KLHL38: variants seen among roughly 807,000 people sequenced by gnomAD.
KLHL38 encodes kelch like family member 38, also known as kelch-like protein 38.
A neutral mutation model predicts 39.6 loss-of-function variants in KLHL38; 38 were observed. That is an observed-to-expected ratio of 0.96 (90% CI 0.74 to 1.26). The LOEUF (loss-of-function observed/expected upper bound fraction) is 1.26. Ranked by LOEUF, KLHL38 falls within the 50% of genes most tolerant of loss-of-function variation. KLHL38 has a pLI of 0.00. For missense variants in KLHL38, 803 were observed against 748.1 expected, an observed-to-expected ratio of 1.07 and a Z score of -0.86; for synonymous variants, 322 against 302.2, an observed-to-expected ratio of 1.07 and a Z score of -0.68.
Position 123,651,888 on chromosome 8 carries a change from TC to T in KLHL38, c.1038del (p.Ser347ValfsTer12). 6.2e-7 allele frequency: 1 copy of T among 1,614,174 alleles called. No homozygotes were observed. The highest frequency in any genetic ancestry group is 1.1e-5 in the South Asian group (1 of 91,082). ...VLGGMAVSSGRSLVSHNVYIF... is the reference protein window; with the variant it reads ...VLGGMAVSSGXSLVSHNVYIF... ...ATGTAGACATTGTGACTGACCAGAC[TC>T]CTCCCTGAGCTGACAGCCATGCCCC... On this transcript the variant is annotated frameshift_variant, in exon 2 of 4. Transcript: ENST00000684634. LOFTEE classifies it high-confidence loss of function.
intron 3 of KLHL38, 96 bp from the exon 4 acceptor site, chr8:123,646,124 A>G: frequency 8.9e-7 from 1 of 1,118,228 alleles, no homozygotes; most frequent in Non-Finnish European, 1.3e-6. Flanking sequence ...CCACTGCGTA[A>G]GGCTGAGGCT....
intron 1 of KLHL38, among the ~76,000 whole-genome samples, 160 bp downstream of exon 1, chr8:123,653,426 G>A (rs1040132688): frequency 3.9e-5 from 6 of 152,140 alleles, no homozygotes; most frequent in African/African-American, 1.4e-4. Flanking sequence ...ACAGAAATGA[G>A]GGAAGAAAAT....
At chr8:123,647,162 CAA>C in intron 2 of KLHL38, 148 bp from the exon 3 acceptor site, 2 of 612,644 alleles carry the variant, frequency 3.3e-6, no homozygotes, top group Admixed American at 6.2e-5. Context: ...TGTTAATAAA[CAA>C]AACAGTACTG....
At chr8:123,647,818 C>A (rs1257149264) in intron 2 of KLHL38, among the ~76,000 whole-genome samples, 1 of 152,156 alleles carries the variant, frequency 6.6e-6, no homozygotes, top group Non-Finnish European at 1.5e-5. Flanking sequence ...GTGGCTCACG[C>A]CTGTAATCTC....
chr8:123,648,483 A>T (rs979724397), intron 2 of KLHL38, among the ~76,000 whole-genome samples: 8 of 152,218 alleles, frequency 5.3e-5, no homozygotes, highest in Non-Finnish European at 1.0e-4. Flanking sequence ...GAAAATATGT[A>T]AGTGACAAAC....
At chr8:123,649,744 G>A (rs890472468) in intron 2 of KLHL38, among the ~76,000 whole-genome samples, 1 of 152,252 alleles carries the variant, frequency 6.6e-6, no homozygotes, top group East Asian at 1.9e-4. Context: ...CGATGTGGGC[G>A]GAGGAGGTTG....
rs1015295305 is a variant in KLHL38, at chr8:123,645,599, T to C, written c.*140A>G. ...GAGAGAGTTCTGGCAATGCAATGCC[T>C]AGTTCCAGGCCTCCCGACTCTGGTA... On this transcript the variant is annotated 3_prime_UTR_variant, in exon 4 of 4. Transcript: ENST00000684634. 9 of 808,070 alleles carry C rather than the reference T, an allele frequency of 1.1e-5. No individual in the cohort carries two copies. The African/African-American group carries it at 1.4e-4, about 12-fold the overall frequency. 50.1% of individuals were successfully genotyped at this position (808,070 alleles called of 1,614,324 possible).
chr8:123,647,821 G>A (rs556299202), intron 2 of KLHL38, among the ~76,000 whole-genome samples: 2 of 152,218 alleles, frequency 1.3e-5, no homozygotes, highest in Non-Finnish European at 2.9e-5. Flanking sequence ...GCTCACGCCT[G>A]TAATCTCAGC....
intron 2 of KLHL38, among the ~76,000 whole-genome samples, chr8:123,650,429 G>T (rs185396099): frequency 6.6e-6 from 1 of 152,134 alleles, no homozygotes; most frequent in African/African-American, 2.4e-5. Context: ...ACTGGTTTAG[G>T]GCATCCCGCC....
chr8:123,645,129 A>C lies in KLHL38; in HGVS notation c.*610T>G, dbSNP rs571772254. 2.0e-5 allele frequency among the ~76,000 whole-genome samples: 3 copies of C among 151,460 alleles called. No individual in the cohort carries two copies. In the East Asian group the frequency reaches 6.0e-4, roughly 30 times the overall value. On this transcript the variant is annotated 3_prime_UTR_variant, in exon 4 of 4. Transcript: ENST00000684634. ...GGAGACAGACAGAGAGAGAGAAGAG[A>C]GACAGAAACTGAGACAGAAAGGAGA...
In KLHL38 at chr8:123,645,759, G is replaced by A. The variant is rs758719041; in HGVS notation, c.1726C>T (p.Arg576Cys). 42 of 1,613,628 alleles carry A rather than the reference G, an allele frequency of 2.6e-5. No individual in the cohort carries two copies. The highest frequency in any genetic ancestry group is 5.5e-5 in the South Asian group (5 of 91,050). Residue 576 changes from arginine (R) to cysteine (C), a missense_variant, in exon 4 of 4, where the codon CGC (arginine) becomes TGC (cysteine). Physicochemically the swap from Arg to Cys is radical, Grantham distance 180. Coordinates refer to ENST00000684634, the MANE Select transcript of KLHL38 (RefSeq NM_001081675.3). ...CGACCTCATGGGAGGCCAGACGTGC[G>A]GGGTATGCACTGGAGAGTGAGGCAG... ...HACLTLQCIP[R>C]TSGLP
intron 2 of KLHL38, 37 bp downstream of exon 2, chr8:123,651,540 T>A: frequency 6.5e-7 from 1 of 1,534,580 alleles, no homozygotes; most frequent in Non-Finnish European, 8.7e-7. Context: ...GCACACATAC[T>A]CATGCAGTTA....
rs375836815 is a variant in KLHL38 at position 123,646,926 on chromosome 8, C to A, written c.1439G>T (p.Arg480Leu). Reference sequence around the variant, plus strand: ...AGACTCACCTCCCACAATGACAATCCGCTCCCCAAGCACCACTGCAGGGGC... The same window carrying A: ...AGACTCACCTCCCACAATGACAATCAGCTCCCCAAGCACCACTGCAGGGGC... ...VCAPAVVLGE[R>L]IVIVGGYTRR... is the part of the protein sequence containing the mutation. The change falls in exon 3 of 4, where the codon CGG becomes CTG. Residue 480 changes from arginine to leucine, a missense_variant. Transcript: ENST00000684634. 9 of 1,612,176 alleles carry A rather than the reference C, an allele frequency of 5.6e-6. No homozygotes were observed. In the South Asian group the frequency reaches 6.6e-5, roughly 12 times the overall value.
At position 123,652,270 on chromosome 8, in the gene KLHL38, G is replaced by C; in HGVS notation, c.657C>G (p.Phe219Leu). ...QARKRYMQEL[F>L]KQVRLQYIHP... ...GGATGTACTGCAGCCTGACCTGCTT[G>C]AACAGTTCCTGCATGTATCGCTTCC... The change falls in exon 2 of 4, where the codon TTC (phenylalanine) becomes TTG (leucine). Residue 219 changes from phenylalanine to leucine, a missense_variant. By Grantham distance (22) the Phe-to-Leu change is conservative. Transcript: ENST00000684634. 1 of 1,614,118 alleles carries C rather than the reference G, an allele frequency of 6.2e-7. No individual in the cohort carries two copies. Among genetic ancestry groups the C allele is most frequent in the East Asian group, 2.2e-5 (1 of 44,890 alleles).
intron 2 of KLHL38, 77 bp downstream of exon 2, chr8:123,651,500 G>T: frequency 7.0e-7 from 1 of 1,437,880 alleles, no homozygotes. Flanking sequence ...ACATGTGCAT[G>T]TGTGTGCAAG....
At chr8:123,646,095 G>T (rs755448908) in intron 3 of KLHL38, 67 bp from the exon 4 acceptor site, 2 of 1,413,648 alleles carry the variant, frequency 1.4e-6, no homozygotes, top group Non-Finnish European at 2.0e-6. Flanking sequence ...CAGCAGTCCT[G>T]GGACGCGTCT....
In KLHL38 at chr8:123,651,977, T is replaced by G. The variant is rs1466308012; in HGVS notation, c.950A>C (p.Lys317Thr). 4 of 1,614,252 alleles carry G rather than the reference T, an allele frequency of 2.5e-6. No individual in the cohort carries two copies. Among genetic ancestry groups the G allele is most frequent in the Admixed American group, 1.7e-5 (1 of 60,034 alleles). ...GGCCTTGTACAGCCGTGTCGGGAGT[T>G]TGGCAAGGCTCTGCCATTGGCCGGT... ...KQTGQWQSLA[K>T]LPTRLYKASA... The change falls in exon 2 of 4, where the codon AAA becomes ACA. Residue 317 changes from lysine (K) to threonine (T), a missense_variant. Coordinates refer to ENST00000684634, the MANE Select transcript of KLHL38 (RefSeq NM_001081675.3).
In KLHL38 at chr8:123,652,402, G is replaced by C. The variant is rs1267917982; in HGVS notation, c.525C>G (p.Leu175=). 2 of 1,613,982 alleles carry C rather than the reference G, an allele frequency of 1.2e-6. No homozygotes were observed. Among genetic ancestry groups the C allele is most frequent in the African/African-American group, 2.7e-5 (2 of 74,926 alleles). ...EVAASADLKE[L]CALELRDYLG... ...GATAGTCCCTCAACTCCAAGGCACA[G>C]AGCTCCTTCAGGTCGGCCGATGCGG... The change falls in exon 2 of 4, where the codon CTC becomes CTG. Residue 175 remains leucine (L), a synonymous_variant. Coordinates refer to ENST00000684634, the MANE Select transcript of KLHL38 (RefSeq NM_001081675.3).
chr8:123,651,907 C>T lies in KLHL38; in HGVS notation c.1020G>A (p.Met340Ile), dbSNP rs1373836483. Residue 340 changes from methionine (M) to isoleucine (I), a missense_variant, in exon 2 of 4, where the codon ATG (methionine) becomes ATA (isoleucine). By Grantham distance (10) the Met-to-Ile change is conservative (BLOSUM62 1). Coordinates refer to ENST00000684634, the MANE Select transcript of KLHL38 (RefSeq NM_001081675.3). ...CCAGACTCCTCCCTGAGCTGACAGC[C>T]ATGCCCCCCAGCACATAGATGCTGC... Reference protein sequence around the residue: ...LHRSIYVLGGMAVSSGRSLVS... With the variant: ...LHRSIYVLGGIAVSSGRSLVS... 3 of 1,614,084 alleles carry T rather than the reference C, an allele frequency of 1.9e-6. No homozygotes were observed. Among genetic ancestry groups the T allele is most frequent in the East Asian group, 2.2e-5 (1 of 44,896 alleles).
Sources: gnomAD v4.1 joint callset for allele counts (sites outside exome capture counted in the v4.1 genomes callset) on GRCh38, gnomAD v4.1.1 for gene constraint, MANE v1.5 for transcripts, NCBI Gene and HGNC (gene_info 2026-07-23, HGNC 2026-07-21) for gene names.